LRP1B: variants seen among roughly 807,000 people sequenced by gnomAD.
The protein encoded by LRP1B is low-density lipoprotein receptor-related protein 1B.
A neutral mutation model predicts 556.6 loss-of-function variants in LRP1B; 217 were observed. That is an observed-to-expected ratio of 0.39 (90% CI 0.35 to 0.44). The LOEUF is 0.44. LRP1B is among the 20% of genes least tolerant of loss of function. LRP1B has a pLI of 1.00. For missense variants in LRP1B, 5,053 were observed against 5,620.8 expected (o/e 0.90, Z 3.23); for synonymous variants, 2,047 against 1,865.8 (o/e 1.10, Z -2.50).
chr2:141,205,567 A>G (rs1682239904), intron 6 of LRP1B, among the ~76,000 whole-genome samples: 1 of 152,192 alleles, frequency 6.6e-6, no homozygotes, highest in South Asian at 2.1e-4. Flanking sequence ...GTAATTCCCC[A>G]TGGCATTTTG....
intron 1 of LRP1B, among the ~76,000 whole-genome samples, chr2:141,889,706 T>C (rs1699226402): frequency 6.6e-6 from 1 of 152,160 alleles, no homozygotes; most frequent in East Asian, 1.9e-4. Flanking sequence ...TTTGCCATTA[T>C]GTTGTAAAGA....
chr2:141,022,217 T>C (rs1573990537), intron 11 of LRP1B, among the ~76,000 whole-genome samples: 1 of 151,780 alleles, frequency 6.6e-6, no homozygotes. Context: ...AGGCTAGGTA[T>C]CTAGTCTATT....
At chr2:140,529,807 A>G (rs1690607980) in intron 47 of LRP1B, among the ~76,000 whole-genome samples, 1 of 151,962 alleles carries the variant, frequency 6.6e-6, no homozygotes, top group African/African-American at 2.4e-5. Flanking sequence ...TCCTGAATAT[A>G]TTCACTCGAC....
At chr2:141,025,193 C>T (rs1698183656) in intron 11 of LRP1B, among the ~76,000 whole-genome samples, 1 of 152,000 alleles carries the variant, frequency 6.6e-6, no homozygotes, top group Non-Finnish European at 1.5e-5. Context: ...GGCTATTACT[C>T]TTATGGGAAT....
At chr2:140,877,025 T>A (rs1034060011) in intron 25 of LRP1B, among the ~76,000 whole-genome samples, 1 of 152,140 alleles carries the variant, frequency 6.6e-6, no homozygotes, top group African/African-American at 2.4e-5. Flanking sequence ...TTTTTCTTGG[T>A]TACAAGTGGG....
In LRP1B at chr2:142,130,820, C is replaced by T. The variant is rs769580683; in HGVS notation, c.-91G>A. 3 of 975,598 alleles carry T rather than the reference C, an allele frequency of 3.1e-6. No individual in the cohort carries two copies. Among genetic ancestry groups the T allele is most frequent in the South Asian group, 1.4e-5 (1 of 73,224 alleles). The allele number at this position is 975,598 out of a possible 1,614,324, so 60.4% of individuals were successfully genotyped here. ...CGGCGGCGGCAGGGGCCGCTTGGAG[C>T]CTGGAATCGAGCGGCGTCATTTACA... On this transcript the variant is annotated 5_prime_UTR_variant, in exon 1 of 91. Transcript: ENST00000389484.
chr2:140,837,613 T>TCACTATATC lies in LRP1B; in HGVS notation c.5209+2377_5209+2378insGATATAGTG, dbSNP rs11402359. On this transcript the variant is annotated intron_variant, in intron 31 of 90. Transcript: ENST00000389484. ...CATCATCCTTATGCAGTTAAAAATA[T>TCACTATATC]ACTTGGTGAGTTCATGACCTTTGTA... Among the ~76,000 whole-genome samples the TCACTATATC allele has an allele frequency of 1.3e-3, 205 of 152,024 alleles. 1 individual carries two copies. The highest frequency in any genetic ancestry group is 3.4e-3 in the Middle Eastern group (1 of 294).
chr2:141,070,157 T>C (rs1699597750), intron 7 of LRP1B, among the ~76,000 whole-genome samples: 1 of 151,994 alleles, frequency 6.6e-6, no homozygotes, highest in Non-Finnish European at 1.5e-5. Flanking sequence ...GGCTGCATAG[T>C]ATTCCATGGT....
At chr2:140,287,147 G>T (rs999940270) in intron 84 of LRP1B, among the ~76,000 whole-genome samples, 1 of 151,660 alleles carries the variant, frequency 6.6e-6, no homozygotes, top group Admixed American at 6.6e-5. Context: ...CTAGGAGTGT[G>T]AACTCAGACT....
At chr2:141,280,521 A>G (rs1573748541) in intron 3 of LRP1B, among the ~76,000 whole-genome samples, 2 of 152,064 alleles carry the variant, frequency 1.3e-5, no homozygotes, top group South Asian at 4.1e-4. Flanking sequence ...AGCAATGGCA[A>G]AAACCTCAAT....
At chr2:140,774,207 C>T (rs547654604) in intron 33 of LRP1B, among the ~76,000 whole-genome samples, 2 of 152,164 alleles carry the variant, frequency 1.3e-5, no homozygotes, top group East Asian at 1.9e-4. Flanking sequence ...CTTTTATCAG[C>T]ATATTCTAGT....
At chr2:141,001,365 C>T (rs542557775) in intron 15 of LRP1B, among the ~76,000 whole-genome samples, 11 of 152,036 alleles carry the variant, frequency 7.2e-5, no homozygotes, top group South Asian at 6.2e-4. Context: ...TACATGTGCA[C>T]AACGTGCAGG....
intron 7 of LRP1B, among the ~76,000 whole-genome samples, chr2:141,122,048 A>G (rs572540022): frequency 6.6e-6 from 1 of 152,308 alleles, no homozygotes; most frequent in East Asian, 1.9e-4. Context: ...GGCTAGCCGT[A>G]TGTAGAAAGC....
intron 2 of LRP1B, among the ~76,000 whole-genome samples, chr2:141,665,911 G>T (rs1690412187): frequency 6.6e-6 from 1 of 152,038 alleles, no homozygotes; most frequent in African/African-American, 2.4e-5. Flanking sequence ...TAAACAATGA[G>T]AACGACACAT....
chr2:141,124,665 A>G (rs1454250933), intron 7 of LRP1B, among the ~76,000 whole-genome samples: 1 of 93,960 alleles, frequency 1.1e-5, no homozygotes, highest in Non-Finnish European at 2.0e-5. Context: ...GTGACAAATG[A>G]AAAAAAAAAA....
At chr2:140,745,316 T>C (rs1559091925) in intron 35 of LRP1B, among the ~76,000 whole-genome samples, 1 of 152,256 alleles carries the variant, frequency 6.6e-6, no homozygotes, top group East Asian at 1.9e-4. Context: ...AAAGTCAATA[T>C]ATAAGTCCGA....
At chr2:141,283,267 G>T (rs1046702327) in intron 3 of LRP1B, among the ~76,000 whole-genome samples, 1 of 152,118 alleles carries the variant, frequency 6.6e-6, no homozygotes, top group Admixed American at 6.5e-5. Flanking sequence ...GTAAGTTGAG[G>T]CCTACATGCT....
chr2:141,120,415 T>C (rs905298363), intron 7 of LRP1B, among the ~76,000 whole-genome samples: 1 of 151,910 alleles, frequency 6.6e-6, no homozygotes, highest in African/African-American at 2.4e-5. Context: ...CTCTCTAAAA[T>C]GGGTATCATT....
intron 3 of LRP1B, among the ~76,000 whole-genome samples, chr2:141,276,503 T>G (rs1023872156): frequency 6.6e-6 from 1 of 152,104 alleles, no homozygotes; most frequent in Non-Finnish European, 1.5e-5. Context: ...TGTGTCCATA[T>G]GTACTCAATG....
Sources: gnomAD v4.1 joint callset for allele counts (sites outside exome capture counted in the v4.1 genomes callset) on GRCh38, gnomAD v4.1.1 for gene constraint, MANE v1.5 for transcripts, NCBI Gene and HGNC (gene_info 2026-07-23, HGNC 2026-07-21) for gene names.